GABRA3: variants seen among roughly 807,000 people sequenced by gnomAD.
The protein encoded by GABRA3 is gamma-aminobutyric acid type A receptor subunit alpha3.
GABRA3 carries 10 observed loss-of-function variants against 30.1 expected under a neutral mutation model. The ratio of observed to expected loss-of-function variants is 0.33; its 90% CI spans 0.20 to 0.56. The LOEUF (loss-of-function observed/expected upper bound fraction) is 0.56, where lower values mean the gene tolerates loss of function less well. Ranked by LOEUF, GABRA3 falls within the 20% of genes least tolerant of loss-of-function variation. The pLI, the probability that GABRA3 is intolerant of heterozygous loss-of-function variation, is 0.89. For missense variants in GABRA3, 233 were observed against 392.0 expected, an observed-to-expected ratio of 0.59 and a Z score of 3.42; for synonymous variants, 151 against 146.8, an observed-to-expected ratio of 1.03 and a Z score of -0.21.
intron 1 of GABRA3, among the ~76,000 whole-genome samples, chrX:152,404,736 TTATTATTATTA>T (rs1569418547): frequency 0.02 from 1,219 of 59,956 alleles, 19 homozygotes; most frequent in Non-Finnish European, 0.025. Context: ...AAGTCATTTA[TTATTATTATTA>T]TTATTATTAT....
At chrX:152,190,227 T>C (rs1164533787) in intron 8 of GABRA3, among the ~76,000 whole-genome samples, 4 of 110,233 alleles carry the variant, frequency 3.6e-5, no homozygotes, top group Non-Finnish European at 7.6e-5. Flanking sequence ...GAGCAGGTAG[T>C]CCATTTCATT....
At chrX:152,311,940 G>C (rs1206172680) in intron 3 of GABRA3, among the ~76,000 whole-genome samples, 1 of 110,723 alleles carries the variant, frequency 9.0e-6, no homozygotes, top group Non-Finnish European at 1.9e-5. Context: ...GCCAAATCAA[G>C]AATGCAATCC....
chrX:152,349,165 A>G (rs752920649), intron 2 of GABRA3, among the ~76,000 whole-genome samples: 1 of 111,618 alleles, frequency 9.0e-6, no homozygotes, highest in East Asian at 2.8e-4. Flanking sequence ...TATTCACAGC[A>G]TCTTTACTAG....
In GABRA3 at chrX:152,234,204, A is replaced by AT. The variant is rs1229772971; in HGVS notation, c.552-9360_552-9359insA. ...TAAAACTTAAAGTATAATAATAAAA[A>AT]AAATTAAAAAATAAAAATGTTTTTC... On this transcript the variant is annotated intron_variant, in intron 5 of 9. Transcript: ENST00000370314. Among the ~76,000 whole-genome samples the AT allele has an allele frequency of 3.0e-3, 287 of 94,208 alleles. 2 individuals are homozygous for AT. The highest frequency in any genetic ancestry group is 0.012 in the African/African-American group (275 of 22,602). 81.8% of individuals were successfully genotyped at this position (94,208 alleles called of 115,157 possible).
chrX:152,424,785 T>A (rs1357729939), intron 1 of GABRA3, among the ~76,000 whole-genome samples: 1 of 110,522 alleles, frequency 9.0e-6, no homozygotes, highest in African/African-American at 3.3e-5. Flanking sequence ...TTGTTTTTAC[T>A]TTTTGTTTGG....
At chrX:152,199,199 T>C (rs767158567) in intron 7 of GABRA3, among the ~76,000 whole-genome samples, 62 of 107,801 alleles carry the variant, frequency 5.8e-4, no homozygotes, top group Non-Finnish European at 1.0e-3. Context: ...ACCCCATCTC[T>C]ACTAAAAATA....
At chrX:152,428,816 C>T (rs928414989) in intron 1 of GABRA3, among the ~76,000 whole-genome samples, 2 of 111,943 alleles carry the variant, frequency 1.8e-5, no homozygotes, top group African/African-American at 6.5e-5. Context: ...GGCAAGCATA[C>T]ACCCACTACT....
chrX:152,293,352 T>C (rs990822739), intron 3 of GABRA3, among the ~76,000 whole-genome samples: 1 of 111,675 alleles, frequency 9.0e-6, no homozygotes, highest in African/African-American at 3.3e-5. Flanking sequence ...AAGTCTGTTT[T>C]ATCATAGACT....
intron 3 of GABRA3, among the ~76,000 whole-genome samples, chrX:152,336,036 A>T (rs774545014): frequency 9.0e-6 from 1 of 111,403 alleles, no homozygotes; most frequent in South Asian, 3.8e-4. Context: ...AAGTTTTTTG[A>T]AGTATATTTT....
In GABRA3 at chrX:152,189,845, G is replaced by T. The variant is rs755862388; in HGVS notation, c.1028C>A (p.Ala343Asp). The change falls in exon 9 of 10, where the codon GCC becomes GAC. Residue 343 changes from alanine to aspartate, a missense_variant. Physicochemically the swap from Ala to Asp is moderately radical, Grantham distance 126. This residue lies in a region of GABRA3 where 20 missense variants were observed against 84.3 expected (regional missense o/e 0.24). Transcript: ENST00000370314. ...AGAAAATACAAAGGCATAACAGACG[G>T]CTATGAACCAGTCCATGGCCGTCGC... ...AYATAMDWFI[A>D]VCYAFVFSAL... 1 of 1,208,315 alleles carries T rather than the reference G, an allele frequency of 8.3e-7. No individual in the cohort carries two copies. The highest frequency in any genetic ancestry group is 1.8e-5 in the South Asian group (1 of 56,773).
Position 152,167,876 on chromosome X carries a change from GC to G in GABRA3, c.*351del. On this transcript the variant is annotated 3_prime_UTR_variant, in exon 10 of 10. Transcript: ENST00000370314. The stretch of plus-strand genomic sequence containing the variant: ...CTCCTTGTTCTGGGCCTCTCAAACA[GC>G]CAAGGCTTCCACTATGGAGAGTAGA... 4.8e-6 allele frequency: 1 copy of G among 207,144 alleles called. No homozygotes were observed. The highest frequency in any genetic ancestry group is 8.8e-6 in the Non-Finnish European group (1 of 114,075). The allele number at this position is 207,144 out of a possible 1,213,427, so 17.1% of individuals were successfully genotyped here.
At chrX:152,179,596 G>C (rs113161951) in intron 9 of GABRA3, among the ~76,000 whole-genome samples, 1 of 107,524 alleles carries the variant, frequency 9.3e-6, no homozygotes, top group East Asian at 2.9e-4. Flanking sequence ...CCGGGTTCAC[G>C]CCATTCTCCT....
At chrX:152,393,710 A>G (rs1240302796) in intron 1 of GABRA3, among the ~76,000 whole-genome samples, 3 of 111,865 alleles carry the variant, frequency 2.7e-5, no homozygotes, top group African/African-American at 9.7e-5. Context: ...AGCAACTAAC[A>G]CTAATATTTG....
rs958031531 is a variant in GABRA3, at chrX:152,170,680, G to T, written c.1144-2117C>A. The stretch of plus-strand genomic sequence containing the variant: ...GCTGGGCCACAGCGTGCATGGCAAA[G>T]AGTTGCAGAAACTGAGGCTGTGTAA... On this transcript the variant is annotated intron_variant, in intron 9 of 9. Transcript: ENST00000370314. Among the ~76,000 whole-genome samples, 6 of 111,819 alleles carry T rather than the reference G, an allele frequency of 5.4e-5. No individual in the cohort carries two copies. In the Admixed American group the frequency reaches 5.7e-4, roughly 11 times the overall value.
chrX:152,348,639 G>A (rs1288138527), intron 2 of GABRA3, among the ~76,000 whole-genome samples: 2 of 111,322 alleles, frequency 1.8e-5, no homozygotes, highest in Admixed American at 1.9e-4. Flanking sequence ...GATATTGTGA[G>A]TTTGGTTCCA....
chrX:152,395,854 AAC>A (rs1387545295), intron 1 of GABRA3, among the ~76,000 whole-genome samples: 1 of 112,062 alleles, frequency 8.9e-6, no homozygotes, highest in African/African-American at 3.2e-5. Flanking sequence ...ATCAATCTCA[AAC>A]ATCAGTGATA....
At chrX:152,403,876 C>A (rs1190675232) in intron 1 of GABRA3, among the ~76,000 whole-genome samples, 1 of 111,074 alleles carries the variant, frequency 9.0e-6, no homozygotes, top group Non-Finnish European at 1.9e-5. Context: ...TTTTGAAAAA[C>A]CAAGATCCGG....
At chrX:152,312,879 A>AC (rs766266084) in intron 3 of GABRA3, among the ~76,000 whole-genome samples, 246 of 111,944 alleles carry the variant, frequency 2.2e-3, no homozygotes, top group Admixed American at 4.0e-3. Context: ...CATATGAAAA[A>AC]ATGCTCAACA....
chrX:152,313,886 T>C (rs1328004685), intron 3 of GABRA3, among the ~76,000 whole-genome samples: 1 of 111,194 alleles, frequency 9.0e-6, no homozygotes, highest in Admixed American at 9.6e-5. Context: ...CTGAGACCCA[T>C]TCCTAGGTTT....
Sources: allele counts gnomAD v4.1 joint callset (sites outside exome capture counted in the v4.1 genomes callset), GRCh38; gene constraint gnomAD v4.1.1; regional missense constraint gnomAD v4.1.1; transcripts MANE v1.5; gene names NCBI Gene and HGNC (gene_info 2026-07-23, HGNC 2026-07-21).